NKAIN3: variants seen among roughly 807,000 people sequenced by gnomAD.
The protein encoded by NKAIN3 is sodium/potassium-transporting ATPase subunit beta-1-interacting protein 3.
Under a neutral mutation model 30.2 loss-of-function variants are expected in NKAIN3, and 25 were observed. That is an observed-to-expected ratio of 0.83 (90% CI 0.60 to 1.16). The LOEUF (loss-of-function observed/expected upper bound fraction) is 1.16, where lower values mean the gene tolerates loss of function less well. Ranked by LOEUF, NKAIN3 falls within the 50% of genes most tolerant of loss-of-function variation. The pLI is 0.00. For synonymous variants in NKAIN3, 91 were observed against 89.6 expected (o/e 1.02, Z -0.09); for missense variants, 225 against 254.1 (o/e 0.89, Z 0.78).
intron 4 of NKAIN3, among the ~76,000 whole-genome samples, chr8:62,752,400 C>T (rs548783703): frequency 1.3e-5 from 2 of 152,334 alleles, no homozygotes; most frequent in South Asian, 2.1e-4. Context: ...TTTAATCCCA[C>T]ACCAGACAAC....
intron 5 of NKAIN3, among the ~76,000 whole-genome samples, chr8:62,952,808 AT>A (rs752222099): frequency 1.3e-5 from 2 of 152,202 alleles, no homozygotes; most frequent in Non-Finnish European, 2.9e-5. Context: ...TTGCACAAGA[AT>A]TGATTTTTTA....
intron 4 of NKAIN3, among the ~76,000 whole-genome samples, chr8:62,807,554 T>TG (rs1441172357): frequency 8.7e-6 from 1 of 114,748 alleles, no homozygotes; most frequent in Non-Finnish European, 1.9e-5. Context: ...TATTCTTTTC[T>TG]GGTTTTTTTT....
intron 4 of NKAIN3, among the ~76,000 whole-genome samples, chr8:62,850,227 G>A (rs2130772730): frequency 6.6e-6 from 1 of 152,206 alleles, no homozygotes; most frequent in Middle Eastern, 3.4e-3. Flanking sequence ...ATTTTTTCAT[G>A]TGTCTTTTGG....
intron 1 of NKAIN3, among the ~76,000 whole-genome samples, chr8:62,384,283 T>C (rs554144400): frequency 2.6e-5 from 4 of 152,278 alleles, no homozygotes; most frequent in African/African-American, 9.6e-5. Context: ...CAGTAGTTAA[T>C]ATAGTTAACG....
intron 4 of NKAIN3, among the ~76,000 whole-genome samples, chr8:62,798,636 A>G (rs552371678): frequency 6.6e-5 from 10 of 152,120 alleles, no homozygotes; most frequent in Non-Finnish European, 1.2e-4. Flanking sequence ...TAGTTCAAAG[A>G]TTGGTGAATA....
At chr8:62,703,704 G>T (rs1415969845) in intron 3 of NKAIN3, among the ~76,000 whole-genome samples, 3 of 152,132 alleles carry the variant, frequency 2.0e-5, no homozygotes, top group African/African-American at 4.8e-5. Context: ...GCACATCTTG[G>T]TGTGCACAGG....
At chr8:62,660,040 G>A (rs1687225115) in intron 3 of NKAIN3, among the ~76,000 whole-genome samples, 1 of 152,138 alleles carries the variant, frequency 6.6e-6, no homozygotes, top group African/African-American at 2.4e-5. Context: ...TCAGTAGTGT[G>A]AAAATGGACT....
At chr8:62,368,137 A>C (rs986077858) in intron 1 of NKAIN3, among the ~76,000 whole-genome samples, 1 of 151,984 alleles carries the variant, frequency 6.6e-6, no homozygotes, top group African/African-American at 2.4e-5. Flanking sequence ...TTAAATGTTC[A>C]TACTCCCCCC....
At chr8:62,964,012 T>A (rs1235564384) in intron 6 of NKAIN3, among the ~76,000 whole-genome samples, 1 of 152,152 alleles carries the variant, frequency 6.6e-6, no homozygotes, top group African/African-American at 2.4e-5. Context: ...TAGATGTGGT[T>A]ATGAAGTGAG....
chr8:62,750,533 T>C (rs2130592587), intron 4 of NKAIN3, among the ~76,000 whole-genome samples: 1 of 152,284 alleles, frequency 6.6e-6, no homozygotes. Flanking sequence ...CTCCACCGCC[T>C]GTGCCTTGCT....
At chr8:62,439,100 A>G (rs1805251169) in intron 1 of NKAIN3, among the ~76,000 whole-genome samples, 1 of 152,178 alleles carries the variant, frequency 6.6e-6, no homozygotes, top group Admixed American at 6.5e-5. Context: ...TTATCCAAGG[A>G]TCACCAGATA....
chr8:62,280,100 G>A (rs1000467682), intron 1 of NKAIN3, among the ~76,000 whole-genome samples: 1 of 152,170 alleles, frequency 6.6e-6, no homozygotes. Flanking sequence ...GTCCCTTGTA[G>A]GTTGGATTCC....
At chr8:62,907,658 CTGT>C (rs1376481855) in intron 4 of NKAIN3, among the ~76,000 whole-genome samples, 3 of 152,176 alleles carry the variant, frequency 2.0e-5, no homozygotes, top group African/African-American at 7.2e-5. Context: ...ACAGCTCAGG[CTGT>C]TGTTTCAGAG....
At chr8:62,510,254 T>A (rs1390815532) in intron 1 of NKAIN3, among the ~76,000 whole-genome samples, 1 of 152,052 alleles carries the variant, frequency 6.6e-6, no homozygotes, top group Non-Finnish European at 1.5e-5. Flanking sequence ...AATATCAACA[T>A]CAAAAACAAT....
chr8:62,801,850 C>A (rs1156732792), intron 4 of NKAIN3, among the ~76,000 whole-genome samples: 1 of 151,996 alleles, frequency 6.6e-6, no homozygotes. Flanking sequence ...AAACCAAAGG[C>A]AAAGAAGTTA....
intron 1 of NKAIN3, among the ~76,000 whole-genome samples, chr8:62,390,807 T>C (rs932373668): frequency 2.6e-5 from 4 of 152,246 alleles, no homozygotes; most frequent in African/African-American, 9.6e-5. Context: ...TTGAGCTTTT[T>C]TTCATATGAT....
chr8:62,317,409 G>T (rs187113065), intron 1 of NKAIN3, among the ~76,000 whole-genome samples: 2 of 152,254 alleles, frequency 1.3e-5, no homozygotes, highest in African/African-American at 4.8e-5. Flanking sequence ...ATGGATTTAG[G>T]TCTAACATTT....
At chr8:62,387,962 A>G (rs1473923117) in intron 1 of NKAIN3, among the ~76,000 whole-genome samples, 2 of 152,212 alleles carry the variant, frequency 1.3e-5, no homozygotes, top group African/African-American at 4.8e-5. Context: ...ATTTTTAAAA[A>G]TTCATTTTCA....
intron 4 of NKAIN3, among the ~76,000 whole-genome samples, chr8:62,860,756 T>C (rs1820215321): frequency 6.6e-6 from 1 of 152,238 alleles, no homozygotes; most frequent in Non-Finnish European, 1.5e-5. Context: ...AGGTTGCAAG[T>C]GGTGACTAGG....
Sources: allele counts gnomAD v4.1 joint callset (sites outside exome capture counted in the v4.1 genomes callset), GRCh38; gene constraint gnomAD v4.1.1; transcripts MANE v1.5; gene names NCBI Gene and HGNC (gene_info 2026-07-23, HGNC 2026-07-21).